SLCO2A1: variants seen among roughly 807,000 people sequenced by gnomAD.
SLCO2A1 encodes solute carrier organic anion transporter family member 2A1.
A neutral mutation model predicts 71.7 loss-of-function variants in SLCO2A1; 60 were observed. The ratio of observed to expected loss-of-function variants is 0.84; its 90% CI spans 0.68 to 1.04. The LOEUF (loss-of-function observed/expected upper bound fraction) is 1.04, where lower values mean the gene tolerates loss of function less well. Among genes scored for constraint, SLCO2A1 ranks in the 50% least tolerant of loss-of-function variants. SLCO2A1 has a pLI of 0.00. For synonymous variants in SLCO2A1, 308 were observed against 326.7 expected (o/e 0.94, Z 0.62); for missense variants, 745 against 813.4 (o/e 0.92, Z 1.02).
Position 133,991,827 on chromosome 3 carries a change from C to G in SLCO2A1, c.97-12209G>C, listed in dbSNP as rs537059779. Among the ~76,000 whole-genome samples the G allele has an allele frequency of 7.9e-5, 12 of 152,318 alleles. No homozygotes were observed. The East Asian group carries it at 2.1e-3, about 27-fold the overall frequency. The stretch of plus-strand genomic sequence containing the variant: ...CTTCTCTCCAGATTCCCTTTGCCAG[C>G]CTTTACTGCCCACAAAGTTGACCTT... On this transcript the variant is annotated intron_variant, in intron 1 of 13. Coordinates refer to ENST00000310926, the MANE Select transcript of SLCO2A1 (RefSeq NM_005630.3).
intron 11 of SLCO2A1, among the ~76,000 whole-genome samples, chr3:133,940,465 C>T (rs932499113): frequency 1.1e-4 from 17 of 152,196 alleles, no homozygotes; most frequent in African/African-American, 3.9e-4. Flanking sequence ...TTCTTCACGA[C>T]CTCCTTGTAC....
rs1476410119 is a variant in SLCO2A1 at position 133,955,095 on chromosome 3, T to A, written c.496A>T (p.Thr166Ser). The A allele has an allele frequency of 6.2e-7, 1 of 1,614,058 alleles. No individual in the cohort carries two copies. Among genetic ancestry groups the A allele is most frequent in the Admixed American group, 1.7e-5 (1 of 60,018 alleles). ...HSTTQNPQKETSSMWGLMVVA... is the reference protein window; with the variant it reads ...HSTTQNPQKESSSMWGLMVVA... ...ACCATCAGGCCCCACATGCTGCTGG[T>A]CTCCTTCTGGGGGTTCTGGGTGGTG... The change falls in exon 4 of 14, where the codon ACC becomes TCC. Residue 166 changes from threonine to serine, a missense_variant. Transcript: ENST00000310926.
chr3:134,007,701 C>G (rs955248869), intron 1 of SLCO2A1, among the ~76,000 whole-genome samples: 2 of 152,142 alleles, frequency 1.3e-5, no homozygotes, highest in African/African-American at 4.8e-5. Context: ...ATGAATGGGT[C>G]TCAGTTTCAA....
In SLCO2A1 at chr3:133,934,656, C is replaced by T. The variant is rs1266683987; in HGVS notation, c.*57G>A. The T allele has an allele frequency of 1.7e-6, 2 of 1,158,392 alleles. No individual in the cohort carries two copies. The highest frequency in any genetic ancestry group is 2.5e-5 in the South Asian group (2 of 80,578). 71.8% of individuals were successfully genotyped at this position (1,158,392 alleles called of 1,614,324 possible). ...ACGTGTTAACATTAGTGAGTATAGG[C>T]AGGTGTGGAAGAGTCAAGGTCCACT... On this transcript the variant is annotated 3_prime_UTR_variant, in exon 14 of 14. Transcript: ENST00000310926.
intron 1 of SLCO2A1, among the ~76,000 whole-genome samples, chr3:133,987,936 T>G (rs931198508): frequency 6.6e-6 from 1 of 152,180 alleles, no homozygotes; most frequent in African/African-American, 2.4e-5. Context: ...AATGAAACAG[T>G]TCTTCTAAAG....
intron 1 of SLCO2A1, among the ~76,000 whole-genome samples, chr3:133,983,556 T>G (rs534325254): frequency 1.8e-4 from 28 of 152,346 alleles, no homozygotes; most frequent in Non-Finnish European, 3.2e-4. Context: ...TTCAAACACA[T>G]CAAGGTCACA....
intron 6 of SLCO2A1, among the ~76,000 whole-genome samples, chr3:133,949,862 CTG>C (rs1933693576): frequency 6.6e-6 from 1 of 152,224 alleles, no homozygotes; most frequent in South Asian, 2.1e-4. Context: ...GGGTCTCACT[CTG>C]TCACCCAAGC....
rs191309380 is a variant in SLCO2A1 at position 133,954,098 on chromosome 3, G to A, written c.626-337C>T. 3.9e-3 allele frequency among the ~76,000 whole-genome samples: 594 copies of A among 152,130 alleles called. 1 individual carries two copies. The highest frequency in any genetic ancestry group is 7.8e-3 in the Admixed American group (120 of 15,294). ...GCTCATGGTGCCACAGAGCCTGTGG[G>A]GGTGGTCTGTGTGGTCTGGAGTATA... is the stretch of plus-strand genomic sequence containing the variant. On this transcript the variant is annotated intron_variant, in intron 4 of 13. Transcript: ENST00000310926.
chr3:134,022,906 A>G (rs548013910), intron 1 of SLCO2A1, among the ~76,000 whole-genome samples: 1 of 152,352 alleles, frequency 6.6e-6, no homozygotes, highest in South Asian at 2.1e-4. Flanking sequence ...CAAAAGGTCG[A>G]TGTCTTAAAA....
chr3:134,028,946 C>T (rs957341955), intron 1 of SLCO2A1, among the ~76,000 whole-genome samples: 4 of 152,014 alleles, frequency 2.6e-5, no homozygotes, highest in Non-Finnish European at 4.4e-5. Flanking sequence ...ATCCTAACAG[C>T]TGCCAACACC....
intron 3 of SLCO2A1, among the ~76,000 whole-genome samples, chr3:133,970,779 A>G (rs1934304688): frequency 6.6e-6 from 1 of 152,246 alleles, no homozygotes; most frequent in African/African-American, 2.4e-5. Context: ...CCAATGAACA[A>G]GAACTACAAA....
intron 4 of SLCO2A1, 79 bp downstream of exon 4, chr3:133,954,887 T>A (rs2108045706): frequency 8.5e-7 from 1 of 1,178,370 alleles, no homozygotes; most frequent in South Asian, 1.4e-5. Context: ...GGGACCTCAG[T>A]TTAGTGCCCC....
intron 3 of SLCO2A1, among the ~76,000 whole-genome samples, chr3:133,956,361 C>T (rs1933897962): frequency 6.6e-6 from 1 of 152,180 alleles, no homozygotes. Context: ...TTTCCCCTCT[C>T]CCCAGTCGCA....
At chr3:134,005,335 C>T (rs1236218663) in intron 1 of SLCO2A1, among the ~76,000 whole-genome samples, 2 of 152,112 alleles carry the variant, frequency 1.3e-5, no homozygotes, top group African/African-American at 4.8e-5. Flanking sequence ...ACATCTTCTT[C>T]TGTTTCTTGA....
chr3:134,001,308 A>C (rs1040213860), intron 1 of SLCO2A1, among the ~76,000 whole-genome samples: 5 of 152,126 alleles, frequency 3.3e-5, no homozygotes, highest in Non-Finnish European at 7.4e-5. Flanking sequence ...GTGGGGTCTC[A>C]CCATGTTGGC....
intron 12 of SLCO2A1, among the ~76,000 whole-genome samples, chr3:133,937,841 C>T (rs1346678000): frequency 3.9e-5 from 6 of 152,192 alleles, no homozygotes; most frequent in Non-Finnish European, 7.3e-5. Flanking sequence ...TGCATTGTGC[C>T]CCCAGCCCTC....
At chr3:133,982,521 T>G (rs531163221) in intron 1 of SLCO2A1, among the ~76,000 whole-genome samples, 1 of 152,154 alleles carries the variant, frequency 6.6e-6, no homozygotes, top group South Asian at 2.1e-4. Flanking sequence ...CTCATCATCT[T>G]CCCCCATAAA....
At chr3:133,942,077 T>C (rs1040778621) in intron 11 of SLCO2A1, among the ~76,000 whole-genome samples, 1 of 152,194 alleles carries the variant, frequency 6.6e-6, no homozygotes, top group Admixed American at 6.5e-5. Flanking sequence ...CACTGCAACC[T>C]CCGCCTCCTG....
chr3:133,997,336 G>A (rs1488953623), intron 1 of SLCO2A1, among the ~76,000 whole-genome samples: 1 of 152,214 alleles, frequency 6.6e-6, no homozygotes, highest in African/African-American at 2.4e-5. Flanking sequence ...CTCTCATAAA[G>A]ATATGTGGTG....
Sources: gnomAD v4.1 joint callset for allele counts (sites outside exome capture counted in the v4.1 genomes callset) on GRCh38, gnomAD v4.1.1 for gene constraint, MANE v1.5 for transcripts, NCBI Gene and HGNC (gene_info 2026-07-23, HGNC 2026-07-21) for gene names.